The following PDE7B variants were observed in gnomAD, a reference collection of about 807,000 sequenced individuals.
The protein encoded by PDE7B is phosphodiesterase 7B, also known as 3',5'-cyclic-AMP phosphodiesterase 7B.
In PDE7B, 29 loss-of-function variants were observed where a neutral mutation model predicts 56.2. That is an observed-to-expected ratio of 0.52 (90% CI 0.38 to 0.70). PDE7B has a LOEUF of 0.70. Among genes scored for constraint, PDE7B ranks in the 30% least tolerant of loss-of-function variants. The probability of loss-of-function intolerance (pLI) is 0.00; values close to 1 mark genes in which losing one functional copy is unlikely to be tolerated. For synonymous variants in PDE7B, 197 were observed against 196.9 expected (o/e 1.00, Z 0.00); for missense variants, 490 against 565.0 (o/e 0.87, Z 1.35).
At chr6:135,949,200 A>C (rs1335620713) in intron 2 of PDE7B, among the ~76,000 whole-genome samples, 6 of 152,066 alleles carry the variant, frequency 3.9e-5, no homozygotes, top group Admixed American at 3.9e-4. Flanking sequence ...AACTTGAATC[A>C]ATGTTTAACT....
intron 3 of PDE7B, among the ~76,000 whole-genome samples, chr6:136,111,893 T>A (rs914127962): frequency 2.0e-5 from 3 of 152,218 alleles, no homozygotes; most frequent in Non-Finnish European, 2.9e-5. Flanking sequence ...CCTTGGGTGC[T>A]TGCAGTTTTG....
intron 6 of PDE7B, among the ~76,000 whole-genome samples, chr6:136,152,934 A>G (rs928440943): frequency 2.6e-5 from 4 of 152,218 alleles, no homozygotes; most frequent in African/African-American, 9.6e-5. Flanking sequence ...CCCATTTTAC[A>G]GAGGAGGAAA....
chr6:135,873,203 C>G (rs1775420900), intron 1 of PDE7B, among the ~76,000 whole-genome samples: 1 of 152,128 alleles, frequency 6.6e-6, no homozygotes, highest in South Asian at 2.1e-4. Context: ...TCACTTTTCT[C>G]TACCACAAGT....
chr6:135,992,656 G>T (rs976203840), intron 2 of PDE7B, among the ~76,000 whole-genome samples: 1 of 152,090 alleles, frequency 6.6e-6, no homozygotes, highest in African/African-American at 2.4e-5. Flanking sequence ...TTTGTGGATG[G>T]TTTATATTCA....
chr6:135,959,644 A>T (rs1774862378), intron 2 of PDE7B, among the ~76,000 whole-genome samples: 1 of 152,092 alleles, frequency 6.6e-6, no homozygotes, highest in African/African-American at 2.4e-5. Context: ...TCCCTCATGA[A>T]TCATGTTTAC....
intron 3 of PDE7B, among the ~76,000 whole-genome samples, chr6:136,121,649 A>G (rs2128443416): frequency 6.6e-6 from 1 of 152,362 alleles, no homozygotes; most frequent in Admixed American, 6.5e-5. Context: ...AGAACTCACT[A>G]GAACACCAGC....
At chr6:136,144,312 A>G (rs1778378420) in intron 3 of PDE7B, among the ~76,000 whole-genome samples, 1 of 152,114 alleles carries the variant, frequency 6.6e-6, no homozygotes, top group Admixed American at 6.6e-5. Context: ...ACCATTTGTT[A>G]TATTTTGCAA....
At position 136,154,109 on chromosome 6, in the gene PDE7B, G is replaced by A. The variant is rs372776353; in HGVS notation, c.513G>A (p.Pro171=). The change falls in exon 7 of 13, where the codon CCG becomes CCA. Residue 171 remains proline (P), a synonymous_variant. Coordinates refer to ENST00000308191, the MANE Select transcript of PDE7B (RefSeq NM_018945.4). ...AAGAAGATTACCACAGCCAAAACCC[G>A]TATCACAATGCTGTTCACGCAGCCG... ...MVQEDYHSQN[P]YHNAVHAADV... 27 of 1,613,688 alleles carry A rather than the reference G, an allele frequency of 1.7e-5. No homozygotes were observed. The highest frequency in any genetic ancestry group is 5.5e-5 in the South Asian group (5 of 91,070).
At chr6:135,894,805 T>A (rs1775869209) in intron 1 of PDE7B, among the ~76,000 whole-genome samples, 1 of 152,130 alleles carries the variant, frequency 6.6e-6, no homozygotes, top group East Asian at 1.9e-4. Context: ...TCCCACTAAA[T>A]ATGGGAACAT....
intron 1 of PDE7B, among the ~76,000 whole-genome samples, chr6:135,900,702 G>A (rs1775984202): frequency 6.6e-6 from 1 of 151,318 alleles, no homozygotes; most frequent in South Asian, 2.1e-4. Flanking sequence ...ATTTTCCTAT[G>A]TGTCCTTAGG....
At chr6:136,108,857 C>CA (rs774984667) in intron 3 of PDE7B, 43 bp downstream of exon 3, 13 of 1,182,796 alleles carry the variant, frequency 1.1e-5, no homozygotes, top group Middle Eastern at 1.9e-4. Flanking sequence ...ACGTTTTCTT[C>CA]AAAAAGAAAA....
intron 2 of PDE7B, among the ~76,000 whole-genome samples, chr6:135,990,252 C>A (rs531102343): frequency 6.6e-6 from 1 of 152,074 alleles, no homozygotes; most frequent in South Asian, 2.1e-4. Flanking sequence ...CCCGCCACCA[C>A]ACCCAGCTAA....
intron 2 of PDE7B, among the ~76,000 whole-genome samples, chr6:135,994,489 C>T (rs1775530195): frequency 6.6e-6 from 1 of 152,116 alleles, no homozygotes; most frequent in Non-Finnish European, 1.5e-5. Context: ...TAATCTTTTG[C>T]AGCAAAGCAC....
chr6:136,033,542 G>A (rs1776277413), intron 2 of PDE7B, among the ~76,000 whole-genome samples: 1 of 152,092 alleles, frequency 6.6e-6, no homozygotes, highest in African/African-American at 2.4e-5. Context: ...TTTGCAGAGT[G>A]AACAAGAGAA....
At chr6:136,106,450 AT>A (rs1777646386) in intron 2 of PDE7B, among the ~76,000 whole-genome samples, 1 of 152,216 alleles carries the variant, frequency 6.6e-6, no homozygotes, top group Non-Finnish European at 1.5e-5. Context: ...AGCTCTTCCT[AT>A]GAAGTCTAAC....
chr6:136,175,693 G>A (rs6570067), intron 9 of PDE7B, among the ~76,000 whole-genome samples: 36,490 of 151,948 alleles, frequency 0.24, 12,070 homozygotes, highest in African/African-American at 0.74. Context: ...TTTGTCAGCC[G>A]TATGGCATTA....
At chr6:136,157,149 T>C (rs1778622026) in intron 8 of PDE7B, among the ~76,000 whole-genome samples, 1 of 152,188 alleles carries the variant, frequency 6.6e-6, no homozygotes, top group African/African-American at 2.4e-5. Flanking sequence ...AGAACTCAAC[T>C]TTTTGGTTTC....
At chr6:136,033,940 G>T (rs893047587) in intron 2 of PDE7B, 1 of 152,008 alleles carries the variant, frequency 6.6e-6, no homozygotes, top group East Asian at 1.9e-4. Context: ...GGAGAGGAAA[G>T]TTCAGGACAA....
intron 3 of PDE7B, among the ~76,000 whole-genome samples, chr6:136,140,589 C>T (rs9389372): frequency 0.5 from 75,333 of 151,992 alleles, 20,441 homozygotes; most frequent in African/African-American, 0.74. Context: ...ATATTGATTC[C>T]TCCTACCCTT....
Sources: allele counts gnomAD v4.1 joint callset (sites outside exome capture counted in the v4.1 genomes callset), GRCh38; gene constraint gnomAD v4.1.1; transcripts MANE v1.5; gene names NCBI Gene and HGNC (gene_info 2026-07-23, HGNC 2026-07-21).